Variants in ARL15 observed in about 807,000 individuals in gnomAD.
The protein encoded by ARL15 is ADP-ribosylation factor-like protein 15.
A neutral mutation model predicts 25.2 loss-of-function variants in ARL15; 19 were observed. That is an observed-to-expected ratio of 0.75 (90% confidence interval 0.53 to 1.10). ARL15 has a LOEUF of 1.10. Ranked by LOEUF, ARL15 falls within the 50% of genes least tolerant of loss-of-function variation. The pLI is 0.00. For missense variants in ARL15, 220 were observed against 246.0 expected (o/e 0.89, Z 0.71); for synonymous variants, 94 against 86.8 (o/e 1.08, Z -0.46).
At chr5:53,890,009 C>A (rs553264449) in intron 4 of ARL15, among the ~76,000 whole-genome samples, 2 of 152,196 alleles carry the variant, frequency 1.3e-5, no homozygotes, top group South Asian at 4.2e-4. Flanking sequence ...GACAGAATTT[C>A]ACCACGTTGG....
At chr5:54,101,783 T>C (rs1004974608) in intron 4 of ARL15, among the ~76,000 whole-genome samples, 1 of 152,132 alleles carries the variant, frequency 6.6e-6, no homozygotes, top group Non-Finnish European at 1.5e-5. Flanking sequence ...AATTTGCTTA[T>C]TAACATAAGT....
intron 1 of ARL15, among the ~76,000 whole-genome samples, chr5:54,270,687 G>A (rs925284516): frequency 2.0e-5 from 3 of 152,216 alleles, no homozygotes; most frequent in Admixed American, 2.0e-4. Context: ...TGTGTTGGGT[G>A]CTACGGCCAC....
At chr5:53,889,032 T>A (rs368741136) in intron 4 of ARL15, among the ~76,000 whole-genome samples, 3 of 152,302 alleles carry the variant, frequency 2.0e-5, no homozygotes, top group African/African-American at 7.2e-5. Flanking sequence ...AAGGAAGTTG[T>A]GTCCCTGATA....
At chr5:54,174,018 T>A (rs1281807020) in intron 1 of ARL15, among the ~76,000 whole-genome samples, 1 of 152,142 alleles carries the variant, frequency 6.6e-6, no homozygotes, top group Non-Finnish European at 1.5e-5. Flanking sequence ...TAAGATTGTG[T>A]TAGCAATTCA....
intron 4 of ARL15, among the ~76,000 whole-genome samples, chr5:54,039,717 G>A (rs187146215): frequency 1.4e-5 from 2 of 144,948 alleles, no homozygotes; most frequent in South Asian, 4.4e-4. Context: ...CAGGAGAATC[G>A]CTTGAACCCG....
intron 4 of ARL15, among the ~76,000 whole-genome samples, chr5:53,974,189 C>A (rs549133371): frequency 1.3e-5 from 2 of 152,336 alleles, no homozygotes; most frequent in South Asian, 2.1e-4. Context: ...TGGCAAGTTG[C>A]CTTAGACCTG....
intron 1 of ARL15, among the ~76,000 whole-genome samples, chr5:54,181,023 T>G (rs1019640081): frequency 6.6e-6 from 1 of 152,130 alleles, no homozygotes; most frequent in African/African-American, 2.4e-5. Context: ...TCTCGGTATG[T>G]GGAATTCAAG....
intron 4 of ARL15, among the ~76,000 whole-genome samples, chr5:54,108,178 G>A (rs938949272): frequency 6.6e-6 from 1 of 152,008 alleles, no homozygotes; most frequent in African/African-American, 2.4e-5. Flanking sequence ...TATTTCTCTT[G>A]ATAAATATTT....
chr5:54,263,306 G>A (rs975953598), intron 1 of ARL15, among the ~76,000 whole-genome samples: 3 of 151,998 alleles, frequency 2.0e-5, no homozygotes, highest in Non-Finnish European at 4.4e-5. Context: ...ATGGCAGTTC[G>A]AATCTCCCAG....
At chr5:54,092,492 A>G (rs374711748) in intron 4 of ARL15, among the ~76,000 whole-genome samples, 2 of 152,168 alleles carry the variant, frequency 1.3e-5, no homozygotes, top group Admixed American at 6.5e-5. Flanking sequence ...AAAAATAGAG[A>G]TTTTCTTGTA....
At chr5:54,150,773 G>C (rs954136239) in intron 3 of ARL15, among the ~76,000 whole-genome samples, 2 of 151,694 alleles carry the variant, frequency 1.3e-5, no homozygotes, top group Non-Finnish European at 2.9e-5. Context: ...ATTCCATCCT[G>C]GGCAACGGAG....
rs181361022 is a variant in ARL15, at chr5:53,887,528, T to G, written c.463-815A>C. The G allele has an allele frequency of 3.6e-4, 213 of 591,520 alleles. No homozygotes were observed. The African/African-American group carries it at 3.7e-3, about 10-fold the overall frequency. The allele number at this position is 591,520 out of a possible 1,614,324, so 36.6% of individuals were successfully genotyped here. A position where few individuals can be genotyped will look rare whatever the true frequency, so the allele number is the denominator to read the frequency against. On this transcript the variant is annotated intron_variant, in intron 4 of 4. Coordinates refer to ENST00000504924, the MANE Select transcript of ARL15 (RefSeq NM_019087.3). ...TTACCAATTCCTGGCTGTGAATAAA[T>G]AGCAAATTATTATGGCTTCTAGAAG...
At chr5:53,906,724 T>C (rs62372375) in intron 4 of ARL15, among the ~76,000 whole-genome samples, 13,137 of 152,226 alleles carry the variant, frequency 0.086, 693 homozygotes, top group Non-Finnish European at 0.13. Context: ...ATCTTAATGG[T>C]TTTTATGAAA....
chr5:53,904,210 G>C (rs1362031733), intron 4 of ARL15, among the ~76,000 whole-genome samples: 2 of 152,146 alleles, frequency 1.3e-5, no homozygotes, highest in Non-Finnish European at 2.9e-5. Flanking sequence ...CAAGACAAAT[G>C]ATTGATGTTG....
intron 4 of ARL15, among the ~76,000 whole-genome samples, chr5:53,955,113 C>T (rs919294799): frequency 6.7e-6 from 1 of 149,954 alleles, no homozygotes; most frequent in African/African-American, 2.5e-5. Flanking sequence ...AGATGGAGAC[C>T]TTAAAGAACC....
intron 4 of ARL15, among the ~76,000 whole-genome samples, chr5:54,077,227 G>A (rs1274709931): frequency 6.6e-6 from 1 of 152,080 alleles, no homozygotes; most frequent in African/African-American, 2.4e-5. Flanking sequence ...TTTATTTAAG[G>A]ATATCTACTA....
At chr5:54,248,366 T>A (rs978770048) in intron 1 of ARL15, among the ~76,000 whole-genome samples, 37 of 152,180 alleles carry the variant, frequency 2.4e-4, no homozygotes, top group African/African-American at 8.7e-4. Context: ...TTTCTCGGAC[T>A]CACTCTCCTG....
At chr5:53,961,945 C>A (rs1747386682) in intron 4 of ARL15, among the ~76,000 whole-genome samples, 1 of 152,154 alleles carries the variant, frequency 6.6e-6, no homozygotes, top group Non-Finnish European at 1.5e-5. Context: ...GAGTTCTATA[C>A]TACAGATGTA....
At chr5:54,258,481 G>C (rs1045262522) in intron 1 of ARL15, among the ~76,000 whole-genome samples, 12 of 152,166 alleles carry the variant, frequency 7.9e-5, no homozygotes, top group Non-Finnish European at 1.6e-4. Flanking sequence ...GCTGGGAAAA[G>C]AGCAATTACT....
Sources: gnomAD v4.1 joint callset for allele counts (sites outside exome capture counted in the v4.1 genomes callset) on GRCh38, gnomAD v4.1.1 for gene constraint, MANE v1.5 for transcripts, NCBI Gene and HGNC (gene_info 2026-07-23, HGNC 2026-07-21) for gene names.